The following MID1 variants were observed in gnomAD, a reference collection of about 807,000 sequenced individuals.
The protein encoded by MID1 is E3 ubiquitin-protein ligase Midline-1.
In MID1, 7 loss-of-function variants were observed where a neutral mutation model predicts 40.4. The ratio of observed to expected loss-of-function variants is 0.17; its 90% confidence interval spans 0.10 to 0.33. MID1 has a LOEUF of 0.33. Ranked by LOEUF, MID1 falls within the 10% of genes least tolerant of loss-of-function variation. The pLI is 1.00. For synonymous variants in MID1, 229 were observed against 221.2 expected (o/e 1.04, Z -0.31); for missense variants, 367 against 558.5 (o/e 0.66, Z 3.46).
At chrX:10,556,108 AG>A in intron 2 of MID1, among the ~76,000 whole-genome samples, 1 of 110,266 alleles carries the variant, frequency 9.1e-6, no homozygotes, top group African/African-American at 3.3e-5. Flanking sequence ...AAAAAAAAAA[AG>A]AAAGCTAGCC....
At chrX:10,810,694 C>CTGTGTG (rs1296699151) in intron 1 of MID1, among the ~76,000 whole-genome samples, 1 of 73,423 alleles carries the variant, frequency 1.4e-5, no homozygotes, top group South Asian at 5.8e-4. Flanking sequence ...TTGTTGTTTT[C>CTGTGTG]TCTGTGTGTG....
chrX:10,505,361 G>A (rs1253961263), intron 3 of MID1: 2 of 751,329 alleles, frequency 2.7e-6, no homozygotes, highest in Non-Finnish European at 3.1e-6. Context: ...TGGTAACTTT[G>A]TTAGAAGCAG....
Position 10,518,713 on chromosome X carries a change from C to T in MID1, c.756+4379G>A, listed in dbSNP as rs767479500. On this transcript the variant is annotated intron_variant, in intron 3 of 9. Transcript: ENST00000317552. ...CTGTAAGTATCATTATTTTTGTACT[C>T]ATAATTTTCTTTAATTTTTATCTAG... 3.6e-5 allele frequency among the ~76,000 whole-genome samples: 4 copies of T among 111,815 alleles called. No homozygotes were observed. The South Asian group carries it at 1.5e-3, about 42-fold the overall frequency.
intron 1 of MID1, among the ~76,000 whole-genome samples, chrX:10,758,068 A>AT (rs2043645210): frequency 9.3e-6 from 1 of 108,048 alleles, no homozygotes; most frequent in Non-Finnish European, 1.9e-5. Flanking sequence ...GGCTCAAGTT[A>AT]TCCTTCCACC....
chrX:10,567,699 G>T, intron 1 of MID1, 96 bp from the exon 2 acceptor site: 1 of 556,321 alleles, frequency 1.8e-6, no homozygotes, highest in African/African-American at 2.2e-5. Context: ...CCAAACACAG[G>T]TCATGAAAGG....
intron 1 of MID1, among the ~76,000 whole-genome samples, chrX:10,729,787 A>C (rs1261270063): frequency 3.6e-5 from 4 of 112,242 alleles, no homozygotes; most frequent in Non-Finnish European, 7.5e-5. Context: ...ATGTTTCTAA[A>C]GATTTAAAAA....
chrX:10,802,120 G>T (rs1224675719), intron 1 of MID1, among the ~76,000 whole-genome samples: 1 of 111,177 alleles, frequency 9.0e-6, no homozygotes, highest in Non-Finnish European at 1.9e-5. Context: ...AGATGGAGGT[G>T]ACAGTGAGCC....
intron 2 of MID1, among the ~76,000 whole-genome samples, chrX:10,538,778 C>A (rs527809743): frequency 1.8e-5 from 2 of 112,118 alleles, no homozygotes; most frequent in African/African-American, 6.5e-5. Context: ...ATCTTAACAT[C>A]TAGCGGGTTG....
intron 1 of MID1, among the ~76,000 whole-genome samples, chrX:10,734,888 C>T (rs961118776): frequency 9.9e-5 from 11 of 111,390 alleles, no homozygotes; most frequent in Non-Finnish European, 1.7e-4. Context: ...GTCAATTTTC[C>T]CTCAATATGT....
intron 1 of MID1, among the ~76,000 whole-genome samples, chrX:10,765,006 C>T (rs1049387401): frequency 1.8e-5 from 2 of 111,906 alleles, no homozygotes; most frequent in Non-Finnish European, 3.8e-5. Context: ...TGTTAACAGG[C>T]TCTCACACAA....
At chrX:10,475,179 C>T (rs1485752166) in intron 5 of MID1, 1 of 332,354 alleles carries the variant, frequency 3.0e-6, no homozygotes, top group Non-Finnish European at 5.9e-6. Context: ...AAAGGAGAGT[C>T]TCCAAAATTT....
intron 1 of MID1, among the ~76,000 whole-genome samples, chrX:10,761,499 T>G (rs1414626184): frequency 8.9e-6 from 1 of 111,987 alleles, no homozygotes; most frequent in Admixed American, 9.4e-5. Context: ...ACTTCTTTGC[T>G]CCTTGTCTTG....
chrX:10,830,474 A>T (rs2044245936), intron 1 of MID1, among the ~76,000 whole-genome samples: 1 of 112,804 alleles, frequency 8.9e-6, no homozygotes, highest in South Asian at 3.6e-4. Context: ...AACAGGAATT[A>T]ATAATGCAAA....
At chrX:10,565,364 T>C in intron 2 of MID1, 1 of 330,550 alleles carries the variant, frequency 3.0e-6, no homozygotes, top group South Asian at 2.6e-5. Flanking sequence ...TCCCTCAACA[T>C]GTCAAGAAAT....
intron 5 of MID1, among the ~76,000 whole-genome samples, chrX:10,477,097 G>A (rs576682342): frequency 2.7e-5 from 3 of 112,138 alleles, no homozygotes; most frequent in East Asian, 5.6e-4. Flanking sequence ...AAAAGATATC[G>A]CAAAGTGAAA....
At chrX:10,604,175 A>T (rs1472527133) in intron 1 of MID1, among the ~76,000 whole-genome samples, 1 of 112,053 alleles carries the variant, frequency 8.9e-6, no homozygotes, top group Non-Finnish European at 1.9e-5. Context: ...TTAAAAAAAA[A>T]ATATTTGAGC....
At chrX:10,633,205 CAG>C (rs986359174) in intron 1 of MID1, among the ~76,000 whole-genome samples, 1 of 111,742 alleles carries the variant, frequency 8.9e-6, no homozygotes, top group Admixed American at 9.5e-5. Context: ...CCCCCTGTAC[CAG>C]AGAGAGAAGA....
At chrX:10,603,192 T>C (rs1327146078) in intron 1 of MID1, among the ~76,000 whole-genome samples, 1 of 112,251 alleles carries the variant, frequency 8.9e-6, no homozygotes, top group African/African-American at 3.2e-5. Context: ...GCTTTTCTCT[T>C]TGATTAATAT....
chrX:10,593,658 G>A (rs1419157803), intron 1 of MID1, among the ~76,000 whole-genome samples: 1 of 109,731 alleles, frequency 9.1e-6, no homozygotes, highest in East Asian at 2.8e-4. Context: ...CAAATAGCTT[G>A]CATTGTATGA....
Sources: gnomAD v4.1 joint callset for allele counts (sites outside exome capture counted in the v4.1 genomes callset) on GRCh38, gnomAD v4.1.1 for gene constraint, MANE v1.5 for transcripts, NCBI Gene and HGNC (gene_info 2026-07-23, HGNC 2026-07-21) for gene names.